POU2AF3: variants seen among roughly 807,000 people sequenced by gnomAD.
The protein encoded by POU2AF3 is cancer susceptibility candidate 13.
chr11:111,301,704 A>G, the POU2AF3 span, among the ~76,000 whole-genome samples: 2 of 152,186 alleles, frequency 1.3e-5, no homozygotes, highest in African/African-American at 4.8e-5. Context: ...TCGTCTTCAA[A>G]TTGGGGATGA....
the POU2AF3 span, chr11:111,304,911 T>TA: frequency 8.1e-7 from 1 of 1,230,112 alleles, no homozygotes; most frequent in African/African-American, 1.6e-5. Context: ...TTCACGGTGA[T>TA]ATTCTTGCTT....
the POU2AF3 span, chr11:111,306,650 C>T: frequency 6.7e-7 from 1 of 1,488,002 alleles, no homozygotes. Context: ...CTTTATATAC[C>T]TGATTGTGTC....
At chr11:111,308,550 A>G in the POU2AF3 span, 1 of 1,165,942 alleles carries the variant, frequency 8.6e-7, no homozygotes, top group East Asian at 2.6e-5. Context: ...CACAGTTTAC[A>G]TGTCACTATT....
the POU2AF3 span, chr11:111,300,532 C>T: frequency 8.1e-7 from 1 of 1,231,230 alleles, no homozygotes. Context: ...TCCAGAAAAA[C>T]CGAAGGTGTA....
At chr11:111,298,826 G>GCGGGGGCCCCCCC in the POU2AF3 span, 1 of 790,962 alleles carries the variant, frequency 1.3e-6, no homozygotes, top group Non-Finnish European at 1.7e-6. Flanking sequence ...CGTACCCCAG[G>GCGGGGGCCCCCCC]CCCCCGCCCG....
chr11:111,307,966 T>C, the POU2AF3 span: 2 of 1,159,190 alleles, frequency 1.7e-6, no homozygotes, highest in Middle Eastern at 2.8e-4. Context: ...TTTGGTTTTT[T>C]ACCCCTCATT....
At chr11:111,300,609 C>A in the POU2AF3 span, 1 of 1,231,502 alleles carries the variant, frequency 8.1e-7, no homozygotes, top group Non-Finnish European at 1.0e-6. Context: ...ACCAGGCGGC[C>A]TCCGGGGGAA....
the POU2AF3 span, among the ~76,000 whole-genome samples, chr11:111,304,055 A>C: frequency 6.6e-6 from 1 of 152,300 alleles, no homozygotes; most frequent in South Asian, 2.1e-4. Context: ...AGTAGTACAA[A>C]ACATACAAAG....
the POU2AF3 span, chr11:111,306,718 A>T: frequency 1.2e-4 from 107 of 917,270 alleles, no homozygotes; most frequent in African/African-American, 1.7e-3. Flanking sequence ...AATCATACAA[A>T]AACTATCAGC....
the POU2AF3 span, among the ~76,000 whole-genome samples, chr11:111,302,458 TG>T: frequency 6.6e-6 from 1 of 152,212 alleles, no homozygotes; most frequent in Non-Finnish European, 1.5e-5. Context: ...CAGCTGCACC[TG>T]GAGAGCCCCA....
the POU2AF3 span, chr11:111,298,826 G>GGCGGGGGC: frequency 1.3e-6 from 1 of 790,960 alleles, no homozygotes; most frequent in Non-Finnish European, 1.7e-6. Flanking sequence ...CGTACCCCAG[G>GGCGGGGGC]CCCCCGCCCG....
the POU2AF3 span, chr11:111,307,960 G>C: frequency 9.0e-7 from 1 of 1,107,364 alleles, no homozygotes; most frequent in Non-Finnish European, 1.2e-6. Flanking sequence ...GTTTGATTTG[G>C]TTTTTTACCC....
At chr11:111,307,187 A>T in the POU2AF3 span, among the ~76,000 whole-genome samples, 1 of 152,164 alleles carries the variant, frequency 6.6e-6, no homozygotes, top group Non-Finnish European at 1.5e-5. Context: ...CTTTGAAAAA[A>T]ATTAAATTGG....
the POU2AF3 span, among the ~76,000 whole-genome samples, chr11:111,302,766 G>A: frequency 5.3e-4 from 80 of 152,242 alleles, no homozygotes; most frequent in South Asian, 1.2e-3. Context: ...GGTTTAACAC[G>A]CATATAATTT....
chr11:111,301,602 G>T, the POU2AF3 span, among the ~76,000 whole-genome samples: 1 of 152,190 alleles, frequency 6.6e-6, no homozygotes, highest in Non-Finnish European at 1.5e-5. Flanking sequence ...GTAAACACAG[G>T]TTCCAGAACC....
the POU2AF3 span, chr11:111,299,318 C>A: frequency 1.0e-6 from 1 of 987,758 alleles, no homozygotes; most frequent in Non-Finnish European, 1.2e-6. Flanking sequence ...CACTTCCCGG[C>A]GCGATTCCTG....
chr11:111,308,189 A>G, the POU2AF3 span: 1 of 1,551,912 alleles, frequency 6.4e-7, no homozygotes, highest in Non-Finnish European at 8.7e-7. Flanking sequence ...TCTGGACACC[A>G]GAACCTGTGG....
the POU2AF3 span, chr11:111,304,786 A>G: frequency 2.2e-6 from 1 of 445,888 alleles, no homozygotes; most frequent in Non-Finnish European, 3.7e-6. Flanking sequence ...TTGAAAAAAA[A>G]AAAGAAAGCA....
the POU2AF3 span, chr11:111,308,174 G>A: frequency 6.4e-7 from 1 of 1,551,756 alleles, no homozygotes; most frequent in Non-Finnish European, 8.7e-7. Flanking sequence ...CAATTCCCCT[G>A]CTTCTCTGGA....
Sources: gnomAD v4.1 joint callset for allele counts (sites outside exome capture counted in the v4.1 genomes callset) on GRCh38, gnomAD v4.1.1 for gene constraint, MANE v1.5 for transcripts, NCBI Gene and HGNC (gene_info 2026-07-23, HGNC 2026-07-21) for gene names.